The following KDR variants were observed in gnomAD, a reference collection of about 807,000 sequenced individuals.
KDR encodes the protein kinase insert domain receptor.
KDR carries 43 observed loss-of-function variants against 160.9 expected under a neutral mutation model. The ratio of observed to expected loss-of-function variants is 0.27; its 90% CI spans 0.21 to 0.34. The LOEUF (loss-of-function observed/expected upper bound fraction) is 0.34. KDR is among the 10% of genes least tolerant of loss of function. The pLI is 1.00. For synonymous variants in KDR, 617 were observed against 600.1 expected (o/e 1.03, Z -0.41); for missense variants, 1,469 against 1,666.4 (o/e 0.88, Z 2.06).
At position 55,110,674 on chromosome 4, in the gene KDR, G is replaced by A; in HGVS notation, c.1071C>T (p.Tyr357=). 6.2e-7 allele frequency: 1 copy of A among 1,613,592 alleles called. No individual in the cohort carries two copies. The highest frequency in any genetic ancestry group is 2.2e-5 in the East Asian group (1 of 44,848). ...GTTACCATTTTATTTCTGGGGGTGGGTAACCAAGGTACTTCGCAGGGATTC... is the reference window on the plus strand; with the variant it reads ...GTTACCATTTTATTTCTGGGGGTGGATAACCAAGGTACTTCGCAGGGATTC... ...RVRIPAKYLG[Y]PPPEIKWYKN... is the part of the protein sequence containing the mutation. The change falls in exon 8 of 30, where the codon TAC becomes TAT. Residue 357 remains tyrosine (Y), a synonymous_variant. Coordinates refer to ENST00000263923, the MANE Select transcript of KDR (RefSeq NM_002253.4).
At chr4:55,100,718 C>T (rs6828672) in intron 15 of KDR, among the ~76,000 whole-genome samples, 3,421 of 152,176 alleles carry the variant, frequency 0.022, 131 homozygotes, top group African/African-American at 0.078. Flanking sequence ...GTCAACATAT[C>T]TCGATGCAAT....
chr4:55,121,817 T>C (rs904503795), intron 1 of KDR, among the ~76,000 whole-genome samples: 8 of 152,154 alleles, frequency 5.3e-5, no homozygotes, highest in Non-Finnish European at 7.4e-5. Context: ...CATACATGCA[T>C]ATTAATATAC....
At position 55,082,539 on chromosome 4, in the gene KDR, T is replaced by C; in HGVS notation, c.3759A>G (p.Pro1253=). Residue 1253 remains proline (P), a synonymous_variant, in exon 28 of 30, where the codon CCA becomes CCG. Coordinates refer to ENST00000263923, the MANE Select transcript of KDR (RefSeq NM_002253.4). ...PLEEPEVKVI[P]DDNQTDSGMV... is the part of the protein sequence containing the mutation. ...TATTTTTAAAAGACGTACTTACATC[T>C]GGGATTACTTTTACTTCTGGTTCTT... 1.3e-6 allele frequency: 2 copies of C among 1,597,102 alleles called. No individual in the cohort carries two copies. Among genetic ancestry groups the C allele is most frequent in the South Asian group, 2.2e-5 (2 of 90,738 alleles).
intron 7 of KDR, 30 bp from the exon 8 acceptor site, chr4:55,110,798 AACTT>A: frequency 2.0e-6 from 3 of 1,500,912 alleles, no homozygotes; most frequent in Non-Finnish European, 2.8e-6. Context: ...AAAAAAGGTC[AACTT>A]ACTGTAAATG....
At chr4:55,088,424 C>T (rs1719919092) in intron 26 of KDR, among the ~76,000 whole-genome samples, 1 of 152,200 alleles carries the variant, frequency 6.6e-6, no homozygotes, top group Non-Finnish European at 1.5e-5. Context: ...ATAGTAAACA[C>T]TACAACTCTA....
At chr4:55,109,637 C>G (rs1720525419) in intron 9 of KDR, among the ~76,000 whole-genome samples, 1 of 152,110 alleles carries the variant, frequency 6.6e-6, no homozygotes, top group East Asian at 1.9e-4. Flanking sequence ...CTTGAATACT[C>G]TATGTCTCTC....
At position 55,080,016 on chromosome 4, in the gene KDR, A is replaced by G; in HGVS notation, c.3996T>C (p.Ile1332=). The G allele has an allele frequency of 6.2e-7, 1 of 1,614,170 alleles. No homozygotes were observed. Among genetic ancestry groups the G allele is most frequent in the Non-Finnish European group, 8.5e-7 (1 of 1,180,018 alleles). Residue 1332 remains isoleucine (I), a synonymous_variant, in exon 30 of 30, where the codon ATT becomes ATC. Transcript: ENST00000263923. ...GGGCTGTGCTACCGGTTTGCACTCC[A>G]ATCTCTATCAGCTTTAAAAGTTCTG... is the stretch of plus-strand genomic sequence containing the variant. ...EEAELLKLIE[I]GVQTGSTAQI...
intron 3 of KDR, 52 bp from the exon 4 acceptor site, chr4:55,115,463 T>C: frequency 2.9e-6 from 3 of 1,042,544 alleles, no homozygotes; most frequent in Non-Finnish European, 4.5e-6. Context: ...ACTAGAAAAG[T>C]TGGTCATTTT....
chr4:55,105,762 C>T lies in KDR; in HGVS notation c.1645+70G>A, dbSNP rs1720431336. On this transcript the variant is annotated intron_variant, in intron 12 of 29. Coordinates refer to ENST00000263923, the MANE Select transcript of KDR (RefSeq NM_002253.4). ...CCACTCACATGAATGGCAAAAACAA[C>T]AGGGAATTACATAGCTTAGTACCCA... is the stretch of plus-strand genomic sequence containing the variant. 4 of 948,972 alleles carry T rather than the reference C, an allele frequency of 4.2e-6. No individual in the cohort carries two copies. The Admixed American group carries it at 5.1e-5, about 12-fold the overall frequency. 58.8% of individuals were successfully genotyped at this position (948,972 alleles called of 1,614,324 possible). A position where few individuals can be genotyped will look rare whatever the true frequency, so the allele number is the denominator to read the frequency against.
intron 29 of KDR, among the ~76,000 whole-genome samples, chr4:55,080,685 G>C (rs142977032): frequency 6.6e-6 from 1 of 152,148 alleles, no homozygotes; most frequent in Admixed American, 6.5e-5. Flanking sequence ...CATATCAAAC[G>C]CTGCTTTTTA....
chr4:55,087,844 T>TTGGCTACATAGGG, intron 26 of KDR, 86 bp from the exon 27 acceptor site: 1 of 1,255,232 alleles, frequency 8.0e-7, no homozygotes, highest in East Asian at 2.3e-5. Context: ...CAGGGACTTC[T>TTGGCTACATAGGG]TGGCTACATA....
chr4:55,082,786 GC>G, intron 27 of KDR, 151 bp from the exon 28 acceptor site: 1 of 661,398 alleles, frequency 1.5e-6, no homozygotes, highest in Non-Finnish European at 2.7e-6. Flanking sequence ...TTCTCTGCTA[GC>G]ACACATGGAA....
intron 22 of KDR, among the ~76,000 whole-genome samples, chr4:55,092,042 T>G (rs557470045): frequency 1.3e-5 from 2 of 152,296 alleles, no homozygotes; most frequent in Admixed American, 1.3e-4. Context: ...TAAAATAAAT[T>G]AAAAATGATT....
chr4:55,124,620 C>G (rs75822936), intron 1 of KDR, among the ~76,000 whole-genome samples: 20 of 152,108 alleles, frequency 1.3e-4, no homozygotes, highest in African/African-American at 3.9e-4. Context: ...CTATTCCCCC[C>G]CTTCTTCGCT....
intron 16 of KDR, 70 bp downstream of exon 16, chr4:55,098,627 A>C (rs1720222227): frequency 8.5e-7 from 1 of 1,171,904 alleles, no homozygotes. Flanking sequence ...AACAACTCAA[A>C]GAACCCCAGT....
intron 14 of KDR, 74 bp downstream of exon 14, chr4:55,102,288 A>G (rs1157880544): frequency 1.3e-6 from 2 of 1,531,640 alleles, no homozygotes; most frequent in African/African-American, 2.7e-5. Context: ...TTACATCAAG[A>G]AATAATATGG....
Position 55,090,042 on chromosome 4 carries a change from A to T in KDR, c.3106T>A (p.Leu1036Ile). The T allele has an allele frequency of 6.2e-7, 1 of 1,614,114 alleles. No homozygotes were observed. The highest frequency in any genetic ancestry group is 8.5e-7 in the Non-Finnish European group (1 of 1,179,972). ...ATTTTAACCACGTTCTTCTCCGATA[A>T]GAGGATATTTCGTGCCGCCAGGTCC... Reference protein sequence around the residue: ...HRDLAARNILLSEKNVVKICD... With the variant: ...HRDLAARNILISEKNVVKICD... The change falls in exon 23 of 30, where the codon TTA (leucine) becomes ATA (isoleucine). Residue 1036 changes from leucine (L) to isoleucine (I), a missense_variant. Coordinates refer to ENST00000263923, the MANE Select transcript of KDR (RefSeq NM_002253.4).
chr4:55,101,520 G>A (rs1370817748), intron 15 of KDR, among the ~76,000 whole-genome samples: 1 of 151,856 alleles, frequency 6.6e-6, no homozygotes, highest in African/African-American at 2.4e-5. Flanking sequence ...TAAGTTCCGG[G>A]ATACATGTGC....
chr4:55,085,295 C>A (rs563326218), intron 27 of KDR, among the ~76,000 whole-genome samples: 1 of 152,316 alleles, frequency 6.6e-6, no homozygotes, highest in South Asian at 2.1e-4. Flanking sequence ...CACTTCTCAG[C>A]CTTTTCTCTA....
Sources: allele counts gnomAD v4.1 joint callset (sites outside exome capture counted in the v4.1 genomes callset), GRCh38; gene constraint gnomAD v4.1.1; transcripts MANE v1.5; gene names NCBI Gene and HGNC (gene_info 2026-07-23, HGNC 2026-07-21).